PDZRN3: variants seen among roughly 807,000 people sequenced by gnomAD.
PDZRN3 encodes the protein PDZ domain containing ring finger 3.
In PDZRN3, 38 loss-of-function variants were observed where a neutral mutation model predicts 85.7. That is an observed-to-expected ratio of 0.44 (90% CI 0.34 to 0.58). PDZRN3 has a LOEUF of 0.58. Ranked by LOEUF, PDZRN3 falls within the 20% of genes least tolerant of loss-of-function variation. The probability of loss-of-function intolerance (pLI) is 0.01; values close to 1 mark genes in which losing one functional copy is unlikely to be tolerated. For missense variants in PDZRN3, 1,629 were observed against 1,506.4 expected (o/e 1.08, Z -1.35); for synonymous variants, 759 against 638.0 (o/e 1.19, Z -2.86).
rs144930779 is a variant in PDZRN3 at position 73,509,642 on chromosome 3, A to G, written c.918+92712T>C. Among the ~76,000 whole-genome samples, 42 of 152,354 alleles carry G rather than the reference A, an allele frequency of 2.8e-4. No homozygotes were observed. In the East Asian group the frequency reaches 6.7e-3, roughly 24 times the overall value. ...ACCTGAGATCCTGCAGGAAAGTCAC[A>G]GCAAAATTTAATTTTAAATTGGAGA... On this transcript the variant is annotated intron_variant, in intron 3 of 9. Transcript: ENST00000263666.
At chr3:73,593,871 G>T (rs964254716) in intron 3 of PDZRN3, 1 of 151,904 alleles carries the variant, frequency 6.6e-6, no homozygotes, top group African/African-American at 2.4e-5. Flanking sequence ...TTTTTCCCCT[G>T]CAAAGACTAA....
intron 3 of PDZRN3, among the ~76,000 whole-genome samples, chr3:73,584,499 GTA>G (rs1203064626): frequency 5.5e-4 from 8 of 14,622 alleles, no homozygotes; most frequent in East Asian, 5.8e-3. Context: ...GTGTGTGTGT[GTA>G]TGCATATGCG....
At chr3:73,463,114 G>C (rs1703142102) in intron 3 of PDZRN3, among the ~76,000 whole-genome samples, 1 of 152,054 alleles carries the variant, frequency 6.6e-6, no homozygotes, top group Non-Finnish European at 1.5e-5. Flanking sequence ...GAAGACTAGT[G>C]TCAAAAAGAG....
intron 3 of PDZRN3, among the ~76,000 whole-genome samples, chr3:73,443,769 T>C (rs921608488): frequency 2.0e-5 from 3 of 152,070 alleles, no homozygotes; most frequent in Non-Finnish European, 4.4e-5. Context: ...GCTGGAATTA[T>C]AGGCATGGGC....
At chr3:73,438,470 A>G (rs1702572772) in intron 3 of PDZRN3, among the ~76,000 whole-genome samples, 1 of 152,234 alleles carries the variant, frequency 6.6e-6, no homozygotes, top group South Asian at 2.1e-4. Flanking sequence ...TCACCATGCT[A>G]TGAACTTCCA....
chr3:73,576,435 C>T (rs1248783429), intron 3 of PDZRN3, among the ~76,000 whole-genome samples: 1 of 152,036 alleles, frequency 6.6e-6, no homozygotes. Flanking sequence ...TTTCTAGGTT[C>T]CAGTGTGCCA....
intron 3 of PDZRN3, among the ~76,000 whole-genome samples, chr3:73,574,138 G>A (rs532985464): frequency 1.4e-4 from 22 of 152,294 alleles, no homozygotes; most frequent in Non-Finnish European, 3.1e-4. Flanking sequence ...ATTAATGAGG[G>A]GGCTCTCGCC....
intron 3 of PDZRN3, among the ~76,000 whole-genome samples, chr3:73,483,115 G>T (rs1483419901): frequency 6.6e-6 from 1 of 152,148 alleles, no homozygotes; most frequent in East Asian, 1.9e-4. Context: ...ACAAAGAAAA[G>T]ATTACTGTGA....
At chr3:73,439,842 G>T (rs968695971) in intron 3 of PDZRN3, among the ~76,000 whole-genome samples, 1 of 151,904 alleles carries the variant, frequency 6.6e-6, no homozygotes, top group Non-Finnish European at 1.5e-5. Flanking sequence ...AGGTTCAAGC[G>T]ATTCTCTTGC....
At position 73,583,994 on chromosome 3, in the gene PDZRN3, CT is replaced by C. The variant is rs1396816833; in HGVS notation, c.918+18359del. On this transcript the variant is annotated intron_variant, in intron 3 of 9. Transcript: ENST00000263666. ...AGGTCTAAATGATGTCAAGTTCTAA[CT>C]TTGTCTCCTAGGTGGTCTGTAACAT... Among the ~76,000 whole-genome samples the C allele has an allele frequency of 3.9e-5, 6 of 152,152 alleles. No homozygotes were observed. The East Asian group carries it at 1.2e-3, about 29-fold the overall frequency.
chr3:73,540,570 T>G (rs1303810213), intron 3 of PDZRN3, among the ~76,000 whole-genome samples: 3 of 152,182 alleles, frequency 2.0e-5, no homozygotes, highest in Admixed American at 6.5e-5. Flanking sequence ...CTTGTGATAG[T>G]GAATGAGTTC....
chr3:73,519,696 C>T (rs1366946858), intron 3 of PDZRN3, among the ~76,000 whole-genome samples: 1 of 152,180 alleles, frequency 6.6e-6, no homozygotes, highest in African/African-American at 2.4e-5. Context: ...TTACGTCAAG[C>T]TATGGCTATG....
At chr3:73,400,014 C>A (rs1358776805) in intron 5 of PDZRN3, among the ~76,000 whole-genome samples, 1 of 152,198 alleles carries the variant, frequency 6.6e-6, no homozygotes, top group Non-Finnish European at 1.5e-5. Flanking sequence ...TGCCACTGAA[C>A]AATTCAACTT....
At chr3:73,581,487 C>T (rs1702201137) in intron 3 of PDZRN3, among the ~76,000 whole-genome samples, 1 of 152,126 alleles carries the variant, frequency 6.6e-6, no homozygotes, top group African/African-American at 2.4e-5. Context: ...GTGGAAAATA[C>T]AATTTTAAAA....
chr3:73,565,674 A>G (rs991505559), intron 3 of PDZRN3, among the ~76,000 whole-genome samples: 1 of 151,962 alleles, frequency 6.6e-6, no homozygotes, highest in African/African-American at 2.4e-5. Flanking sequence ...GCGGTGACTC[A>G]CGCCTGTAAT....
chr3:73,440,562 A>G (rs1016999622), intron 3 of PDZRN3, among the ~76,000 whole-genome samples: 5 of 152,038 alleles, frequency 3.3e-5, no homozygotes, highest in African/African-American at 1.2e-4. Context: ...CCCAGAACAC[A>G]CTGTGTTTCC....
intron 5 of PDZRN3, among the ~76,000 whole-genome samples, chr3:73,392,806 A>G (rs964598044): frequency 6.6e-6 from 1 of 152,178 alleles, no homozygotes; most frequent in Admixed American, 6.5e-5. Flanking sequence ...AAACCCCATT[A>G]ATTTCTGATA....
chr3:73,615,447 T>C (rs543676469), intron 1 of PDZRN3, among the ~76,000 whole-genome samples: 4 of 152,354 alleles, frequency 2.6e-5, no homozygotes, highest in Middle Eastern at 6.8e-3. Flanking sequence ...TAAATGTTTA[T>C]GTGCCCTCAA....
chr3:73,408,816 G>A (rs1288866486), intron 3 of PDZRN3, among the ~76,000 whole-genome samples: 2 of 152,008 alleles, frequency 1.3e-5, no homozygotes, highest in Non-Finnish European at 2.9e-5. Flanking sequence ...GACTCTTAGC[G>A]AGATGATGAC....
Sources: allele counts gnomAD v4.1 joint callset (sites outside exome capture counted in the v4.1 genomes callset), GRCh38; gene constraint gnomAD v4.1.1; transcripts MANE v1.5; gene names NCBI Gene and HGNC (gene_info 2026-07-23, HGNC 2026-07-21).